Variants in CLHC1 observed in about 807,000 individuals in gnomAD.
The protein encoded by CLHC1 is clathrin heavy chain linker domain containing 1.
Under a neutral mutation model 69.5 loss-of-function variants are expected in CLHC1, and 72 were observed. The ratio of observed to expected loss-of-function variants is 1.04; its 90% CI spans 0.86 to 1.26. The LOEUF (loss-of-function observed/expected upper bound fraction) is 1.26. Ranked by LOEUF, CLHC1 falls within the 50% of genes most tolerant of loss-of-function variation. CLHC1 has a pLI of 0.00. For synonymous variants in CLHC1, 223 were observed against 224.3 expected (o/e 0.99, Z 0.05); for missense variants, 790 against 679.3 (o/e 1.16, Z -1.81).
chr2:55,198,091 C>T (rs1245011435), intron 9 of CLHC1, among the ~76,000 whole-genome samples: 1 of 152,034 alleles, frequency 6.6e-6, no homozygotes, highest in Non-Finnish European at 1.5e-5. Context: ...CTCTCAGCAG[C>T]AGAATTAATC....
chr2:55,217,848 C>T lies in CLHC1; in HGVS notation c.328G>A (p.Val110Ile), dbSNP rs767356569. Reference protein sequence around the residue: ...KGLAAEPTALVYYRKRTIQLE... With the variant: ...KGLAAEPTALIYYRKRTIQLE... Reference sequence around the variant, plus strand: ...TGGATTGTTCTTTTCCTGTAATATACCAAAGCTGTAGGCTCTGCTGCCAAA... The same window carrying T: ...TGGATTGTTCTTTTCCTGTAATATATCAAAGCTGTAGGCTCTGCTGCCAAA... Residue 110 changes from valine to isoleucine, a missense_variant, in exon 4 of 13, where the codon GTA becomes ATA. Val to Ile is a conservative substitution (Grantham distance 29). Transcript: ENST00000401408. The T allele has an allele frequency of 9.4e-6, 15 of 1,595,554 alleles. No individual in the cohort carries two copies. The Admixed American group carries it at 1.1e-4, about 11-fold the overall frequency.
At chr2:55,221,350 T>C (rs1674095263) in intron 3 of CLHC1, among the ~76,000 whole-genome samples, 1 of 152,182 alleles carries the variant, frequency 6.6e-6, no homozygotes, top group Non-Finnish European at 1.5e-5. Context: ...TAATAGGTAT[T>C]TCTAAAACCG....
In CLHC1 at chr2:55,177,765, T is replaced by C. The variant is rs748627006; in HGVS notation, c.1401A>G (p.Leu467=). 3.7e-6 allele frequency: 6 copies of C among 1,608,442 alleles called. No homozygotes were observed. The highest frequency in any genetic ancestry group is 1.1e-5 in the South Asian group (1 of 90,384). ...ATTCAACTTGGGGACATGACATTAATAGCTGCAACAGGTCATCTGAAGGCA... is the reference window on the plus strand; with the variant it reads ...ATTCAACTTGGGGACATGACATTAACAGCTGCAACAGGTCATCTGAAGGCA... ...KDFTTDDLLQ[L]LMSCPQVELI... The change falls in exon 12 of 13, where the codon CTA becomes CTG. Residue 467 remains leucine (L), a synonymous_variant. Coordinates refer to ENST00000401408, the MANE Select transcript of CLHC1 (RefSeq NM_152385.4).
At chr2:55,192,167 T>A (rs376162932) in intron 9 of CLHC1, among the ~76,000 whole-genome samples, 2 of 152,182 alleles carry the variant, frequency 1.3e-5, no homozygotes, top group East Asian at 3.8e-4. Flanking sequence ...TCACCCAGGC[T>A]GGAGTGCAGT....
chr2:55,175,848 A>G lies in CLHC1; in HGVS notation c.1703T>C (p.Val568Ala). Residue 568 changes from valine to alanine, a missense_variant, in exon 13 of 13, where the codon GTT becomes GCT. Val to Ala is a moderately conservative substitution (Grantham distance 64). Coordinates refer to ENST00000401408, the MANE Select transcript of CLHC1 (RefSeq NM_152385.4). ...GTCATCCTCTTCAGAAATTTCTGTA[A>G]CTGCAGCCTGAGATCGAAGAATAGA... The part of the protein sequence containing the change: ...ITSILRSQAA[V>A]TEISEEDDAV... 1 of 1,614,058 alleles carries G rather than the reference A, an allele frequency of 6.2e-7. No individual in the cohort carries two copies. The highest frequency in any genetic ancestry group is 8.5e-7 in the Non-Finnish European group (1 of 1,179,948).
At chr2:55,211,502 CAAAAA>C (rs35216255) in intron 5 of CLHC1, among the ~76,000 whole-genome samples, 1 of 82,260 alleles carries the variant, frequency 1.2e-5, no homozygotes. Context: ...ACTATGTCTC[CAAAAA>C]AAAAAAAAAA....
intron 9 of CLHC1, among the ~76,000 whole-genome samples, chr2:55,205,400 T>TACACAC (rs35508061): frequency 1.2e-4 from 18 of 147,694 alleles, no homozygotes; most frequent in South Asian, 6.5e-4. Context: ...ATAAAGAAAA[T>TACACAC]ACACACACAC....
rs796809210 is a variant in CLHC1, at chr2:55,192,191, C to T, written c.1007-10447G>A. Reference sequence around the variant, plus strand: ...CTGGAGTGCAGTAGTGTGATCTTGGCTCACTGCAACCTTTGCCTCCTGGGT... The same window carrying T: ...CTGGAGTGCAGTAGTGTGATCTTGGTTCACTGCAACCTTTGCCTCCTGGGT... On this transcript the variant is annotated intron_variant, in intron 9 of 12. Coordinates refer to ENST00000401408, the MANE Select transcript of CLHC1 (RefSeq NM_152385.4). Among the ~76,000 whole-genome samples the T allele has an allele frequency of 4.6e-5, 7 of 152,138 alleles. 1 individual carries two copies. The highest frequency in any genetic ancestry group is 1.7e-4 in the African/African-American group (7 of 41,492).
At chr2:55,181,535 T>C (rs769559287) in intron 10 of CLHC1, 35 bp downstream of exon 10, 3 of 1,483,142 alleles carry the variant, frequency 2.0e-6, no homozygotes, top group South Asian at 2.4e-5. Context: ...ATTAACGAAA[T>C]GTCAAAATTA....
intron 9 of CLHC1, among the ~76,000 whole-genome samples, chr2:55,199,454 T>C (rs1217882590): frequency 6.6e-6 from 1 of 152,140 alleles, no homozygotes; most frequent in African/African-American, 2.4e-5. Context: ...TAATTGTGTG[T>C]AAATTACTCA....
intron 1 of CLHC1, among the ~76,000 whole-genome samples, chr2:55,231,253 A>G (rs545687670): frequency 1.6e-5 from 2 of 123,350 alleles, no homozygotes; most frequent in Non-Finnish European, 3.1e-5. Context: ...CCGTCTCACG[A>G]AAAAAAAAAA....
At chr2:55,178,283 T>C (rs1669595067) in intron 11 of CLHC1, among the ~76,000 whole-genome samples, 4 of 152,214 alleles carry the variant, frequency 2.6e-5, no homozygotes. Flanking sequence ...GTAATTTTTT[T>C]CCTAAAACTA....
chr2:55,203,915 C>G (rs1255027200), intron 9 of CLHC1, among the ~76,000 whole-genome samples: 1 of 152,104 alleles, frequency 6.6e-6, no homozygotes, highest in Non-Finnish European at 1.5e-5. Flanking sequence ...ACCCACCTAA[C>G]AAGGAGTTCA....
rs1671241146 is a variant in CLHC1 at position 55,194,768 on chromosome 2, T to A, written c.1006+11502A>T. 2.0e-5 allele frequency among the ~76,000 whole-genome samples: 3 copies of A among 152,256 alleles called. No homozygotes were observed. The South Asian group carries it at 6.2e-4, about 32-fold the overall frequency. On this transcript the variant is annotated intron_variant, in intron 9 of 12. Transcript: ENST00000401408. ...TTTAAAAATAGAAACTGTATATCTG[T>A]ATATATTTAAGGTCTACAACACGAT...
rs1435021686 is a variant in CLHC1, at chr2:55,175,196, C to T, written c.*594G>A. ...TAGGTATCACAGGTCTACTTCTATG[C>T]AAAATTCGACTGGTCTTCTCTCTAA... On this transcript the variant is annotated 3_prime_UTR_variant, in exon 13 of 13. Transcript: ENST00000401408. The T allele has an allele frequency of 6.6e-6, 1 of 152,188 alleles. No homozygotes were observed. Among genetic ancestry groups the T allele is most frequent in the African/African-American group, 2.4e-5 (1 of 41,422 alleles). The allele number at this position is 152,188 out of a possible 1,614,324, so 9.4% of individuals were successfully genotyped here. A position where few individuals can be genotyped will look rare whatever the true frequency, so the allele number is the denominator to read the frequency against.
At chr2:55,204,644 G>A (rs552419473) in intron 9 of CLHC1, among the ~76,000 whole-genome samples, 35 of 152,240 alleles carry the variant, frequency 2.3e-4, no homozygotes, top group African/African-American at 8.4e-4. Context: ...TATGATTAAT[G>A]CAGTGCTATT....
chr2:55,217,442 G>A (rs536022594), intron 4 of CLHC1, among the ~76,000 whole-genome samples: 1 of 141,084 alleles, frequency 7.1e-6, no homozygotes, highest in South Asian at 2.3e-4. Context: ...ACAACTGCTT[G>A]AGACCAGGAG....
chr2:55,221,721 T>C (rs1357053189), intron 3 of CLHC1, among the ~76,000 whole-genome samples: 1 of 152,228 alleles, frequency 6.6e-6, no homozygotes, highest in Non-Finnish European at 1.5e-5. Context: ...TTCATGCTTG[T>C]AATCCCAGCA....
In CLHC1 at chr2:55,222,309, T is replaced by A; in HGVS notation, c.103A>T (p.Thr35Ser). The change falls in exon 3 of 13, where the codon ACT (threonine) becomes TCT (serine). Residue 35 changes from threonine to serine, a missense_variant. Coordinates refer to ENST00000401408, the MANE Select transcript of CLHC1 (RefSeq NM_152385.4). ...ESVQRYIITE[T>S]ERLGCSEEGP... ...TCCTCACTACAGCCCAGTCTTTCAG[T>A]TTCTGTAATTATGTATCTTTGCACA... 5 of 1,613,744 alleles carry A rather than the reference T, an allele frequency of 3.1e-6. No individual in the cohort carries two copies. Among genetic ancestry groups the A allele is most frequent in the Non-Finnish European group, 3.4e-6 (4 of 1,179,726 alleles).
Sources: gnomAD v4.1 joint callset for allele counts (sites outside exome capture counted in the v4.1 genomes callset) on GRCh38, gnomAD v4.1.1 for gene constraint, MANE v1.5 for transcripts, NCBI Gene and HGNC (gene_info 2026-07-23, HGNC 2026-07-21) for gene names.